Variants in ABR observed in about 807,000 individuals in gnomAD.
ABR encodes active breakpoint cluster region-related protein.
ABR carries 35 observed loss-of-function variants against 107.2 expected under a neutral mutation model. That is an observed-to-expected ratio of 0.33 (90% confidence interval 0.25 to 0.43). The LOEUF is 0.43. Ranked by LOEUF, ABR falls within the 20% of genes least tolerant of loss-of-function variation. The pLI is 1.00. For missense variants in ABR, 815 were observed against 1,115.2 expected, an observed-to-expected ratio of 0.73 and a Z score of 3.83; for synonymous variants, 498 against 462.0, an observed-to-expected ratio of 1.08 and a Z score of -1.00.
chr17:1,066,713 G>C (rs939591784), intron 10 of ABR, among the ~76,000 whole-genome samples: 11 of 152,060 alleles, frequency 7.2e-5, no homozygotes, highest in Non-Finnish European at 1.6e-4. Context: ...ACTTTTAGTA[G>C]AGACAGGGTT....
At position 1,142,411 on chromosome 17, in the gene ABR, C is replaced by A. The variant is rs148070919; in HGVS notation, c.62-17044G>T. On this transcript the variant is annotated intron_variant, in intron 1 of 22. Transcript: ENST00000302538. Reference sequence around the variant, plus strand: ...ACCAGCCTGGCCAACATAGAGAAACCCCGTCTCTACTAAAAATATAAAAAT... The same window carrying A: ...ACCAGCCTGGCCAACATAGAGAAACACCGTCTCTACTAAAAATATAAAAAT... 3.5e-3 allele frequency among the ~76,000 whole-genome samples: 534 copies of A among 152,038 alleles called. 5 individuals are homozygous for A. The highest frequency in any genetic ancestry group is 0.012 in the African/African-American group (506 of 41,482).
intron 1 of ABR, among the ~76,000 whole-genome samples, chr17:1,145,015 C>T (rs537657939): frequency 6.6e-6 from 1 of 151,164 alleles, no homozygotes; most frequent in African/African-American, 2.4e-5. Flanking sequence ...GAGACTCTGT[C>T]TCAAAAAAAA....
intron 1 of ABR, among the ~76,000 whole-genome samples, chr17:1,158,895 C>T (rs1051528956): frequency 1.4e-4 from 21 of 152,168 alleles, no homozygotes; most frequent in African/African-American, 5.1e-4. Context: ...CCAGTGCAGC[C>T]AAAGCCACCG....
intron 6 of ABR, among the ~76,000 whole-genome samples, chr17:1,075,175 C>T (rs1051637963): frequency 2.6e-5 from 4 of 152,250 alleles, no homozygotes; most frequent in Non-Finnish European, 4.4e-5. Flanking sequence ...GGTGGATCAA[C>T]ACTTCCCAAC....
chr17:1,129,313 G>A (rs886123006), intron 1 of ABR, among the ~76,000 whole-genome samples: 12 of 152,030 alleles, frequency 7.9e-5, no homozygotes, highest in Admixed American at 4.6e-4. Flanking sequence ...CGAGGCGGGC[G>A]GATCATCTGA....
At chr17:1,111,922 C>T (rs2038696595) in intron 2 of ABR, among the ~76,000 whole-genome samples, 1 of 152,228 alleles carries the variant, frequency 6.6e-6, no homozygotes, top group South Asian at 2.1e-4. Flanking sequence ...ACATCTGGAC[C>T]AAAGGACCCT....
At chr17:1,087,988 A>G (rs1217136572) in intron 4 of ABR, among the ~76,000 whole-genome samples, 1 of 152,206 alleles carries the variant, frequency 6.6e-6, no homozygotes, top group African/African-American at 2.4e-5. Flanking sequence ...TAAAACAAAC[A>G]GCAGAGACGC....
At chr17:1,199,566 A>C (rs555498359) in intron 1 of ABR, among the ~76,000 whole-genome samples, 3 of 151,318 alleles carry the variant, frequency 2.0e-5, no homozygotes, top group South Asian at 2.1e-4. Flanking sequence ...CTCCTGCCTC[A>C]GCCTCCCAAG....
At chr17:1,042,535 G>A (rs2030777140) in intron 16 of ABR, among the ~76,000 whole-genome samples, 2 of 149,334 alleles carry the variant, frequency 1.3e-5, no homozygotes, top group South Asian at 4.2e-4. Context: ...AAACAGATGT[G>A]GCACCTACAT....
chr17:1,215,589 T>C (rs367654402), intron 1 of ABR, among the ~76,000 whole-genome samples: 5,532 of 148,806 alleles, frequency 0.037, 297 homozygotes, highest in African/African-American at 0.12. Context: ...CGGCTCACTA[T>C]AACCTCCACC....
At chr17:1,217,755 T>G (rs549593540) in intron 1 of ABR, among the ~76,000 whole-genome samples, 258 of 152,222 alleles carry the variant, frequency 1.7e-3, no homozygotes, top group Admixed American at 5.6e-3. Context: ...AGTGCAGTGG[T>G]GCAATCTCAG....
chr17:1,012,065 A>C, intron 18 of ABR, 80 bp from the exon 19 acceptor site: 1 of 1,591,194 alleles, frequency 6.3e-7, no homozygotes, highest in Non-Finnish European at 8.6e-7. Context: ...GCACACACAC[A>C]CCCTGGAGAG....
At chr17:1,015,677 C>T (rs546015238) in intron 16 of ABR, among the ~76,000 whole-genome samples, 4 of 152,036 alleles carry the variant, frequency 2.6e-5, no homozygotes, top group South Asian at 2.1e-4. Context: ...AGGCTGATCT[C>T]GAACTCCCGA....
intron 1 of ABR, among the ~76,000 whole-genome samples, chr17:1,192,980 G>A (rs1011642391): frequency 6.6e-6 from 1 of 152,290 alleles, no homozygotes; most frequent in Non-Finnish European, 1.5e-5. Flanking sequence ...CCCAGGAGGC[G>A]GAGGCTGTAG....
At chr17:1,063,326 G>A (rs60693158) in intron 10 of ABR, among the ~76,000 whole-genome samples, 3 of 120,992 alleles carry the variant, frequency 2.5e-5, no homozygotes, top group Admixed American at 8.3e-5. Flanking sequence ...TGAGGGCTAT[G>A]CATGTTCCTC....
At chr17:1,146,389 A>G (rs1173198098) in intron 1 of ABR, among the ~76,000 whole-genome samples, 1 of 152,016 alleles carries the variant, frequency 6.6e-6, no homozygotes, top group Non-Finnish European at 1.5e-5. Context: ...ACCAGCAAGC[A>G]CAGCCATCAC....
At chr17:1,222,477 G>A (rs2043136946) in intron 1 of ABR, among the ~76,000 whole-genome samples, 1 of 152,124 alleles carries the variant, frequency 6.6e-6, no homozygotes, top group Non-Finnish European at 1.5e-5. Flanking sequence ...GACATCCACT[G>A]AACACAAGGA....
chr17:1,215,432 G>A (rs1381811339), intron 1 of ABR, among the ~76,000 whole-genome samples: 2 of 152,220 alleles, frequency 1.3e-5, no homozygotes, highest in Non-Finnish European at 2.9e-5. Flanking sequence ...GTGGAGACGG[G>A]GTTTCGCTGT....
intron 1 of ABR, among the ~76,000 whole-genome samples, chr17:1,159,007 T>C (rs1191108978): frequency 6.6e-6 from 1 of 152,212 alleles, no homozygotes; most frequent in African/African-American, 2.4e-5. Context: ...GCAGAGACTC[T>C]TCATGCTTTC....
Sources: allele counts gnomAD v4.1 joint callset (sites outside exome capture counted in the v4.1 genomes callset), GRCh38; gene constraint gnomAD v4.1.1; transcripts MANE v1.5; gene names NCBI Gene and HGNC (gene_info 2026-07-23, HGNC 2026-07-21).